CCNY: variants seen among roughly 807,000 people sequenced by gnomAD.
CCNY encodes the protein cyclin-Y.
CCNY carries 19 observed loss-of-function variants against 42.8 expected under a neutral mutation model. The observed-to-expected ratio is 0.44, with a 90% CI of 0.31 to 0.65. The LOEUF is 0.65. Among genes scored for constraint, CCNY ranks in the 30% least tolerant of loss-of-function variants. CCNY has a pLI of 0.07. For missense variants in CCNY, 370 were observed against 437.3 expected (o/e 0.85, Z 1.37); for synonymous variants, 165 against 162.7 (o/e 1.01, Z -0.11).
At chr10:35,256,303 AT>A (rs146763627) in intron 3 of CCNY, among the ~76,000 whole-genome samples, 54,661 of 151,726 alleles carry the variant, frequency 0.36, 10,258 homozygotes, top group African/African-American at 0.47. Context: ...TGTTTACTTG[AT>A]TTTTTTATAG....
chr10:35,295,135 A>C (rs1589021419), intron 3 of CCNY, among the ~76,000 whole-genome samples: 1 of 152,130 alleles, frequency 6.6e-6, no homozygotes, highest in Admixed American at 6.5e-5. Flanking sequence ...AGCCTGGGCA[A>C]CAGTGAGACC....
intron 3 of CCNY, among the ~76,000 whole-genome samples, chr10:35,277,322 G>T (rs1197272474): frequency 6.6e-6 from 1 of 152,174 alleles, no homozygotes; most frequent in East Asian, 1.9e-4. Context: ...GCCCACTTTT[G>T]CAAGCCCAGT....
At chr10:35,337,324 C>T (rs1668481768) in intron 1 of CCNY, 117 bp downstream of exon 1, 1 of 1,105,212 alleles carries the variant, frequency 9.0e-7, no homozygotes, top group Non-Finnish European at 1.2e-6. Flanking sequence ...CGTGCATAAC[C>T]GGGGCTTCGC....
At chr10:35,523,662 C>G (rs1840594087) in intron 4 of CCNY, among the ~76,000 whole-genome samples, 1 of 152,170 alleles carries the variant, frequency 6.6e-6, no homozygotes, top group Non-Finnish European at 1.5e-5. Context: ...AAGATTCTCG[C>G]CCATTCGGCA....
chr10:35,516,689 ACTT>A, intron 4 of CCNY, 66 bp downstream of exon 4: 1 of 447,204 alleles, frequency 2.2e-6, no homozygotes, highest in Non-Finnish European at 3.3e-6. Flanking sequence ...TTTTTTTTTT[ACTT>A]AACTGAATGC....
At chr10:35,500,616 T>C (rs1840091663) in intron 2 of CCNY, among the ~76,000 whole-genome samples, 1 of 152,244 alleles carries the variant, frequency 6.6e-6, no homozygotes, top group African/African-American at 2.4e-5. Flanking sequence ...CTATTCTTCA[T>C]GTCTTTTACA....
intron 1 of CCNY, among the ~76,000 whole-genome samples, chr10:35,434,806 G>C (rs1838492830): frequency 6.6e-6 from 1 of 152,076 alleles, no homozygotes; most frequent in Non-Finnish European, 1.5e-5. Context: ...TTCTCAGCTG[G>C]GGCTGCTGCT....
chr10:35,307,820 T>A (rs894626732), intron 3 of CCNY, among the ~76,000 whole-genome samples: 619 of 46,458 alleles, frequency 0.013, 14 homozygotes, highest in East Asian at 0.021. Context: ...ATATATATAT[T>A]TTTTTTTTTT....
In CCNY at chr10:35,348,271, T is replaced by TG. The variant is rs1286753048; in HGVS notation, c.154+11065dup. The stretch of plus-strand genomic sequence containing the variant: ...CTCCCACTTTTCTGTAAGATAAGTC[T>TG]GATGTCTGATTTGTCATTTCTCCTA... On this transcript the variant is annotated intron_variant, in intron 1 of 9. Transcript: ENST00000374704. Among the ~76,000 whole-genome samples the TG allele has an allele frequency of 3.9e-5, 6 of 152,386 alleles. No homozygotes were observed. The East Asian group carries it at 1.2e-3, about 29-fold the overall frequency.
intron 3 of CCNY, among the ~76,000 whole-genome samples, chr10:35,266,795 C>G (rs1415667956): frequency 6.6e-6 from 1 of 151,990 alleles, no homozygotes; most frequent in Non-Finnish European, 1.5e-5. Context: ...GAAAGATGAC[C>G]TACTGTCGCC....
At chr10:35,379,837 T>G (rs1837139237) in intron 1 of CCNY, among the ~76,000 whole-genome samples, 1 of 152,162 alleles carries the variant, frequency 6.6e-6, no homozygotes, top group African/African-American at 2.4e-5. Context: ...GGAGGAAACT[T>G]AGCTGGGCCA....
chr10:35,319,500 A>G (rs1431432880), intron 3 of CCNY, among the ~76,000 whole-genome samples: 1 of 152,250 alleles, frequency 6.6e-6, no homozygotes, highest in Non-Finnish European at 1.5e-5. Context: ...AAAAAAGATT[A>G]TAATTATGTA....
intron 1 of CCNY, among the ~76,000 whole-genome samples, chr10:35,389,532 C>T (rs1036755486): frequency 3.3e-5 from 5 of 151,526 alleles, no homozygotes; most frequent in African/African-American, 2.4e-5. Context: ...CTCTGCCTCC[C>T]GGGTTCAAGC....
chr10:35,304,335 A>G (rs1835580491), intron 3 of CCNY, among the ~76,000 whole-genome samples: 1 of 47,178 alleles, frequency 2.1e-5, no homozygotes. Flanking sequence ...TTTGAGACGG[A>G]GTCTCGCTCT....
chr10:35,388,822 G>C (rs1486889334), intron 1 of CCNY, among the ~76,000 whole-genome samples: 1 of 152,108 alleles, frequency 6.6e-6, no homozygotes, highest in Non-Finnish European at 1.5e-5. Flanking sequence ...AGGCTCTCAG[G>C]GAGAATCTGT....
At chr10:35,488,255 C>T (rs544851812) in intron 2 of CCNY, among the ~76,000 whole-genome samples, 64 of 152,292 alleles carry the variant, frequency 4.2e-4, no homozygotes, top group African/African-American at 1.5e-3. Context: ...TTTAGAAATA[C>T]TGAAATTGAA....
intron 1 of CCNY, among the ~76,000 whole-genome samples, chr10:35,442,776 A>G (rs1025804669): frequency 6.6e-6 from 1 of 152,220 alleles, no homozygotes; most frequent in African/African-American, 2.4e-5. Flanking sequence ...TTTCATATAC[A>G]GTCGTGTCAC....
intron 2 of CCNY, among the ~76,000 whole-genome samples, chr10:35,495,268 A>G (rs1446828417): frequency 6.6e-6 from 1 of 152,206 alleles, no homozygotes; most frequent in African/African-American, 2.4e-5. Context: ...TGCAATAAGC[A>G]TGCATTTCTT....
At chr10:35,289,967 T>A (rs900993387) in intron 3 of CCNY, among the ~76,000 whole-genome samples, 2 of 151,736 alleles carry the variant, frequency 1.3e-5, no homozygotes, top group Non-Finnish European at 2.9e-5. Context: ...GGCTTATGCC[T>A]GTAATCTCAG....
Sources: gnomAD v4.1 joint callset for allele counts (sites outside exome capture counted in the v4.1 genomes callset) on GRCh38, gnomAD v4.1.1 for gene constraint, MANE v1.5 for transcripts, NCBI Gene and HGNC (gene_info 2026-07-23, HGNC 2026-07-21) for gene names.